LRRIQ1: variants seen among roughly 807,000 people sequenced by gnomAD.
LRRIQ1 encodes the protein leucine rich repeats and IQ motif containing 1.
A neutral mutation model predicts 211.9 loss-of-function variants in LRRIQ1; 210 were observed. The ratio of observed to expected loss-of-function variants is 0.99; its 90% CI spans 0.89 to 1.11. The LOEUF is 1.11. Ranked by LOEUF, LRRIQ1 falls within the 50% of genes most tolerant of loss-of-function variation. LRRIQ1 has a pLI of 0.00. For missense variants in LRRIQ1, 2,136 were observed against 1,939.5 expected (o/e 1.10, Z -1.90); for synonymous variants, 699 against 650.1 (o/e 1.08, Z -1.14).
At chr12:85,082,853 A>G (rs1018912523) in intron 11 of LRRIQ1, among the ~76,000 whole-genome samples, 1 of 152,100 alleles carries the variant, frequency 6.6e-6, no homozygotes, top group African/African-American at 2.4e-5. Context: ...GTTTGTGATT[A>G]TTCTTAGATT....
At chr12:85,086,619 T>C (rs76213070) in intron 11 of LRRIQ1, among the ~76,000 whole-genome samples, 2 of 135,536 alleles carry the variant, frequency 1.5e-5, no homozygotes, top group African/African-American at 2.9e-5. Flanking sequence ...CTTTTCTTTT[T>C]TTTTTTTCTG....
At chr12:85,078,627 T>C (rs1019679009) in intron 11 of LRRIQ1, among the ~76,000 whole-genome samples, 4 of 152,172 alleles carry the variant, frequency 2.6e-5, no homozygotes, top group Non-Finnish European at 4.4e-5. Flanking sequence ...CTGTTACATG[T>C]TTCTGTTAAA....
intron 24 of LRRIQ1, among the ~76,000 whole-genome samples, chr12:85,182,639 A>AGGCCC: frequency 6.6e-6 from 1 of 152,282 alleles, no homozygotes; most frequent in South Asian, 2.1e-4. Context: ...CACACAATAG[A>AGGCCC]GGCCCGCACA....
At chr12:85,046,715 C>T (rs550478027) in intron 5 of LRRIQ1, among the ~76,000 whole-genome samples, 13 of 152,138 alleles carry the variant, frequency 8.5e-5, no homozygotes, top group South Asian at 2.1e-4. Flanking sequence ...ATGTTTATTG[C>T]GGCACTATTC....
At chr12:85,133,915 G>T (rs1012523486) in intron 18 of LRRIQ1, among the ~76,000 whole-genome samples, 1 of 152,114 alleles carries the variant, frequency 6.6e-6, no homozygotes, top group Non-Finnish European at 1.5e-5. Context: ...TAAGGACTGG[G>T]TTCACCACTT....
At chr12:85,055,427 A>G (rs1257152939) in intron 7 of LRRIQ1, 120 bp from the exon 8 acceptor site, 19 of 790,472 alleles carry the variant, frequency 2.4e-5, no homozygotes, top group Admixed American at 4.1e-5. Flanking sequence ...AATAAATTTT[A>G]TAGAAACTTT....
At chr12:85,080,097 G>A (rs950253110) in intron 11 of LRRIQ1, among the ~76,000 whole-genome samples, 18 of 152,012 alleles carry the variant, frequency 1.2e-4, no homozygotes, top group Middle Eastern at 3.4e-3. Context: ...ATACATATAC[G>A]TACGTGTGTG....
Position 85,127,963 on chromosome 12 carries a change from T to C in LRRIQ1, c.4139T>C (p.Leu1380Ser), listed in dbSNP as rs186473492. The part of the protein sequence containing the change: ...PNSSIKNQTI[L>S]KKGKRENIVN... ...TCTTCCATCAAGAATCAGACTATTT[T>C]AAAGAAAGGAAAAAGAGAAAATATT... The change falls in exon 18 of 27, where the codon TTA becomes TCA. Residue 1380 changes from leucine to serine, a missense_variant. Transcript: ENST00000393217. 1.3e-5 allele frequency: 21 copies of C among 1,613,786 alleles called. No homozygotes were observed. The Admixed American group carries it at 3.0e-4, about 23-fold the overall frequency.
intron 24 of LRRIQ1, among the ~76,000 whole-genome samples, chr12:85,225,540 A>C (rs1327047989): frequency 6.6e-6 from 1 of 152,212 alleles, no homozygotes; most frequent in East Asian, 1.9e-4. Context: ...GTTTAAATAA[A>C]ATTACTTAAG....
At chr12:85,086,107 CT>C (rs1422816012) in intron 11 of LRRIQ1, among the ~76,000 whole-genome samples, 1 of 152,094 alleles carries the variant, frequency 6.6e-6, no homozygotes, top group East Asian at 1.9e-4. Context: ...TATTTTTTGA[CT>C]TTCTTACTAA....
At chr12:85,256,002 A>G (rs1265829281) in intron 1 of LRRIQ1, among the ~76,000 whole-genome samples, 3 of 151,700 alleles carry the variant, frequency 2.0e-5, no homozygotes, top group East Asian at 1.9e-4. Context: ...CTGTCTTTTA[A>G]CAACTTGTTA....
chr12:85,233,544 T>A (rs574386334), intron 26 of LRRIQ1, among the ~76,000 whole-genome samples: 70 of 152,184 alleles, frequency 4.6e-4, no homozygotes, highest in Non-Finnish European at 1.0e-3. Flanking sequence ...TATAGAATTT[T>A]ATATTAAAAG....
intron 6 of LRRIQ1, 77 bp downstream of exon 6, chr12:85,047,547 G>A (rs1847126218): frequency 8.2e-6 from 10 of 1,222,684 alleles, no homozygotes. Context: ...GGATTGTGTT[G>A]CAGATTGAGC....
chr12:85,176,677 G>A (rs1427010646), intron 24 of LRRIQ1, among the ~76,000 whole-genome samples: 1 of 150,626 alleles, frequency 6.6e-6, no homozygotes, highest in African/African-American at 2.4e-5. Flanking sequence ...CACCAGCATG[G>A]CACATGTATA....
At position 85,257,249 on chromosome 12, in the gene LRRIQ1, T is replaced by C. The variant is rs1030548566; in HGVS notation, c.122-5666T>C. On this transcript the variant is annotated intron_variant, in intron 1 of 1. Transcript: ENST00000602731. ...AAAGGAACATGCATATCCATCCAGA[T>C]CCATAAAAAAAGATGCTCTCAACTA... Among the ~76,000 whole-genome samples, 24 of 28,556 alleles carry C rather than the reference T, an allele frequency of 8.4e-4. 1 individual carries two copies. The highest frequency in any genetic ancestry group is 8.4e-4 in the Non-Finnish European group (10 of 11,938). 18.7% of individuals were successfully genotyped at this position (28,556 alleles called of 152,430 possible).
intron 24 of LRRIQ1, among the ~76,000 whole-genome samples, chr12:85,199,319 C>A (rs1202958431): frequency 6.6e-6 from 1 of 152,046 alleles, no homozygotes; most frequent in Non-Finnish European, 1.5e-5. Context: ...CAGTTTCAAT[C>A]TTTCGCATAT....
At chr12:85,087,847 C>T (rs573065220) in intron 11 of LRRIQ1, among the ~76,000 whole-genome samples, 40 of 152,054 alleles carry the variant, frequency 2.6e-4, no homozygotes, top group Non-Finnish European at 4.7e-4. Flanking sequence ...GGATATTAGC[C>T]CTTTGTCAGA....
chr12:85,184,433 T>G (rs1892134766), intron 24 of LRRIQ1, among the ~76,000 whole-genome samples: 1 of 152,064 alleles, frequency 6.6e-6, no homozygotes. Context: ...TGTTAAAAAT[T>G]ATACATTAAA....
chr12:85,119,776 C>G (rs1223905388), intron 15 of LRRIQ1, among the ~76,000 whole-genome samples: 1 of 152,042 alleles, frequency 6.6e-6, no homozygotes. Flanking sequence ...AATATCATGC[C>G]GAACATCTTC....
Sources: gnomAD v4.1 joint callset for allele counts (sites outside exome capture counted in the v4.1 genomes callset) on GRCh38, gnomAD v4.1.1 for gene constraint, MANE v1.5 for transcripts, NCBI Gene and HGNC (gene_info 2026-07-23, HGNC 2026-07-21) for gene names.